C4orf33: variants seen among roughly 807,000 people sequenced by gnomAD.
The protein encoded by C4orf33 is chromosome 4 open reading frame 33.
Under a neutral mutation model 24.3 loss-of-function variants are expected in C4orf33, and 20 were observed. That is an observed-to-expected ratio of 0.82 (90% CI 0.58 to 1.19). The LOEUF is 1.19. Among genes scored for constraint, C4orf33 ranks in the 50% most tolerant of loss-of-function variants. C4orf33 has a pLI of 0.00. For synonymous variants in C4orf33, 67 were observed against 76.4 expected, an observed-to-expected ratio of 0.88 and a Z score of 0.64; for missense variants, 207 against 225.9, an observed-to-expected ratio of 0.92 and a Z score of 0.54.
In C4orf33 at chr4:129,110,061, C is replaced by T. The variant is rs1431724792; in HGVS notation, c.494+389C>T. ...GTCCCCTGTTACAAGGAAATCTAAT[C>T]TTCAGTTATCTCTCTAGTTCTCCTC... On this transcript the variant is annotated intron_variant, in intron 5 of 5. Coordinates refer to ENST00000425929, the MANE Select transcript of C4orf33 (RefSeq NM_001099783.2). 6 of 950,874 alleles carry T rather than the reference C, an allele frequency of 6.3e-6. No homozygotes were observed. The South Asian group carries it at 1.3e-4, about 20-fold the overall frequency. 58.9% of individuals were successfully genotyped at this position (950,874 alleles called of 1,614,324 possible).
upstream of C4orf33, among the ~76,000 whole-genome samples, chr4:129,094,479 G>T (rs78762210): frequency 1.3e-5 from 2 of 152,014 alleles, no homozygotes; most frequent in African/African-American, 4.8e-5. Context: ...TCTGTTTAAC[G>T]GCTTAAGAGT....
chr4:129,106,936 G>A (rs534468539), intron 3 of C4orf33, among the ~76,000 whole-genome samples: 10 of 151,682 alleles, frequency 6.6e-5, no homozygotes, highest in East Asian at 1.9e-4. Flanking sequence ...TTTTCAAAAC[G>A]AAAAGTCATT....
chr4:129,106,034 A>C (rs915436750), intron 2 of C4orf33, among the ~76,000 whole-genome samples: 1 of 152,174 alleles, frequency 6.6e-6, no homozygotes, highest in Non-Finnish European at 1.5e-5. Flanking sequence ...TTCCTATATC[A>C]ACAAATATTT....
Position 129,111,641 on chromosome 4 carries a change from T to C in C4orf33, c.495-45T>C, listed in dbSNP as rs1222112051. ...CCCTTCAGGACAACTATTTCACAAA[T>C]GCATAATTCATTTCAATTCCCACCT... is the stretch of plus-strand genomic sequence containing the variant. On this transcript the variant is annotated intron_variant, in intron 5 of 5. Coordinates refer to ENST00000425929, the MANE Select transcript of C4orf33 (RefSeq NM_001099783.2). 4 of 1,152,962 alleles carry C rather than the reference T, an allele frequency of 3.5e-6. No homozygotes were observed. In the Admixed American group the frequency reaches 5.5e-5, roughly 16 times the overall value. 71.4% of individuals were successfully genotyped at this position (1,152,962 alleles called of 1,614,324 possible).
intron 1 of C4orf33, 144 bp from the exon 2 acceptor site, chr4:129,102,458 A>G (rs576955780): frequency 7.4e-5 from 40 of 542,930 alleles, no homozygotes; most frequent in Non-Finnish European, 1.3e-4. Flanking sequence ...AACACAAGAT[A>G]GCCTTTTGAC....
Position 129,109,314 on chromosome 4 carries a change from C to G in C4orf33, c.250C>G (p.Gln84Glu), listed in dbSNP as rs1753614749. ...YLEVELCPHGQHLVLLLSGRR... is the reference protein window; with the variant it reads ...YLEVELCPHGEHLVLLLSGRR... ...GAATCTTAATTTTGACAGCCACGGA[C>G]AGCATTTAGTGCTTTTACTTTCTGG... The change falls in exon 4 of 6, where the codon CAG (glutamine) becomes GAG (glutamate). Residue 84 changes from glutamine to glutamate, a missense_variant. Transcript: ENST00000425929. 1.9e-6 allele frequency: 3 copies of G among 1,613,878 alleles called. No individual in the cohort carries two copies. In the East Asian group the frequency reaches 6.7e-5, roughly 36 times the overall value.
chr4:129,101,495 CT>C (rs1356951495), intron 1 of C4orf33, among the ~76,000 whole-genome samples: 2 of 151,880 alleles, frequency 1.3e-5, no homozygotes. Context: ...TCCACCACTC[CT>C]AAAATAAAAT....
At chr4:129,104,057 T>A (rs965130740) in intron 2 of C4orf33, among the ~76,000 whole-genome samples, 11 of 152,212 alleles carry the variant, frequency 7.2e-5, no homozygotes, top group African/African-American at 2.7e-4. Context: ...TAATCTCAAC[T>A]CACCTACTTC....
At position 129,116,554 on chromosome 4, in the gene C4orf33, A is replaced by G. The variant is rs748505565; in HGVS notation, c.*4763A>G. On this transcript the variant is annotated 3_prime_UTR_variant, in exon 6 of 6. Transcript: ENST00000425929. ...GCAGTACCTAGAGTATATATTTTGAAGAGATAGCTTTGCTGAAATAGAAAA... is the reference window on the plus strand; with the variant it reads ...GCAGTACCTAGAGTATATATTTTGAGGAGATAGCTTTGCTGAAATAGAAAA... The G allele has an allele frequency of 1.5e-4, 23 of 152,248 alleles. No individual in the cohort carries two copies. Among genetic ancestry groups the G allele is most frequent in the Non-Finnish European group, 2.5e-4 (17 of 68,046 alleles). The allele number at this position is 152,248 out of a possible 1,614,324, so 9.4% of individuals were successfully genotyped here. A position where few individuals can be genotyped will look rare whatever the true frequency, so the allele number is the denominator to read the frequency against.
chr4:129,096,566 G>A (rs1307574431), intron 1 of C4orf33, among the ~76,000 whole-genome samples: 1 of 151,990 alleles, frequency 6.6e-6, no homozygotes, highest in Non-Finnish European at 1.5e-5. Flanking sequence ...TTCTTTTCCT[G>A]GGTTCTTAAT....
At chr4:129,103,882 T>G (rs1030831) in intron 2 of C4orf33, among the ~76,000 whole-genome samples, 107,490 of 152,056 alleles carry the variant, frequency 0.71, 40,432 homozygotes, top group South Asian at 0.89. Context: ...TATGTCTAGT[T>G]TATGCCATTT....
intron 1 of C4orf33, chr4:129,100,643 T>C (rs1013593509): frequency 6.6e-6 from 1 of 152,200 alleles, no homozygotes; most frequent in Non-Finnish European, 1.5e-5. Flanking sequence ...CTGATTAAGA[T>C]AGGGATCTCT....
rs1299240807 is a variant in C4orf33, at chr4:129,112,441, G to C, written c.*650G>C. ...AACTAATATTTGATGATAGATACCAGAACAGTGGCTGCTTAGAGTGAGGGC... is the reference window on the plus strand; with the variant it reads ...AACTAATATTTGATGATAGATACCACAACAGTGGCTGCTTAGAGTGAGGGC... On this transcript the variant is annotated 3_prime_UTR_variant, in exon 6 of 6. Coordinates refer to ENST00000425929, the MANE Select transcript of C4orf33 (RefSeq NM_001099783.2). 6.6e-6 allele frequency: 1 copy of C among 152,138 alleles called. No individual in the cohort carries two copies. The highest frequency in any genetic ancestry group is 1.5e-5 in the Non-Finnish European group (1 of 68,014). 9.4% of individuals were successfully genotyped at this position (152,138 alleles called of 1,614,324 possible). A position where few individuals can be genotyped will look rare whatever the true frequency, so the allele number is the denominator to read the frequency against.
In C4orf33 at chr4:129,114,003, A is replaced by C. The variant is rs1561094297; in HGVS notation, c.*2212A>C. 6.6e-6 allele frequency: 1 copy of C among 152,104 alleles called. No homozygotes were observed. The highest frequency in any genetic ancestry group is 1.9e-4 in the East Asian group (1 of 5,190). The allele number at this position is 152,104 out of a possible 1,614,324, so 9.4% of individuals were successfully genotyped here. ...TCCATAATATTTTACACATTGCTTT[A>C]TTACAGCATTTATTTCACTGGTCCT... On this transcript the variant is annotated 3_prime_UTR_variant, in exon 6 of 6. Transcript: ENST00000425929.
chr4:129,095,020 G>A (rs1042484452), upstream of C4orf33, among the ~76,000 whole-genome samples: 1 of 152,114 alleles, frequency 6.6e-6, no homozygotes, highest in Non-Finnish European at 1.5e-5. Context: ...CTGATGAGTG[G>A]TATTTACATA....
chr4:129,102,849 C>T, intron 2 of C4orf33, 58 bp downstream of exon 2: 1 of 1,453,168 alleles, frequency 6.9e-7, no homozygotes, highest in Non-Finnish European at 9.4e-7. Flanking sequence ...TAACCTCTCA[C>T]AGAACTATTA....
chr4:129,101,846 T>C (rs1753360810), intron 1 of C4orf33, among the ~76,000 whole-genome samples: 1 of 152,204 alleles, frequency 6.6e-6, no homozygotes, highest in Admixed American at 6.5e-5. Flanking sequence ...TGTTCCCATT[T>C]TTCAGTTGGA....
upstream of C4orf33, chr4:129,093,764 G>A (rs759102801): frequency 2.4e-4 from 37 of 153,338 alleles, no homozygotes; most frequent in Non-Finnish European, 3.9e-4. Flanking sequence ...GTGGGACAGT[G>A]TCTCCAGGTA....
intron 2 of C4orf33, among the ~76,000 whole-genome samples, chr4:129,105,126 A>C (rs1327202715): frequency 3.3e-5 from 5 of 152,254 alleles, no homozygotes; most frequent in African/African-American, 1.2e-4. Flanking sequence ...TGTGGCAGCT[A>C]GCAAGTCCAC....
Sources: allele counts gnomAD v4.1 joint callset (sites outside exome capture counted in the v4.1 genomes callset), GRCh38; gene constraint gnomAD v4.1.1; transcripts MANE v1.5; gene names NCBI Gene and HGNC (gene_info 2026-07-23, HGNC 2026-07-21).